The following TMEM131 variants were observed in gnomAD, a reference collection of about 807,000 sequenced individuals.
The protein encoded by TMEM131 is transmembrane protein 131, also known as 2610524E03Rik.
A neutral mutation model predicts 211.6 loss-of-function variants in TMEM131; 66 were observed. That is an observed-to-expected ratio of 0.31 (90% CI 0.26 to 0.38). The LOEUF is 0.38. Ranked by LOEUF, TMEM131 falls within the 10% of genes least tolerant of loss-of-function variation. TMEM131 has a pLI of 1.00. For missense variants in TMEM131, 2,036 were observed against 2,299.3 expected (o/e 0.89, Z 2.34); for synonymous variants, 844 against 841.3 (o/e 1.00, Z -0.06).
At chr2:97,889,383 CTGTT>C (rs1283150053) in intron 3 of TMEM131, among the ~76,000 whole-genome samples, 1 of 152,052 alleles carries the variant, frequency 6.6e-6, no homozygotes, top group African/African-American at 2.4e-5. Flanking sequence ...TCTGCCCTGT[CTGTT>C]TCTTAGATGT....
chr2:97,841,696 T>C (rs899397475), intron 7 of TMEM131, 119 bp downstream of exon 7: 57 of 1,196,674 alleles, frequency 4.8e-5, no homozygotes, highest in Non-Finnish European at 5.7e-5. Context: ...CCCCTCTCAA[T>C]ACACTATAAA....
intron 4 of TMEM131, among the ~76,000 whole-genome samples, chr2:97,862,626 T>C (rs1412119941): frequency 2.0e-5 from 3 of 151,932 alleles, no homozygotes; most frequent in African/African-American, 4.8e-5. Flanking sequence ...AATAGCAGAA[T>C]TGATCAAGCA....
In TMEM131 at chr2:97,812,422, G is replaced by C. The variant is rs752556643; in HGVS notation, c.1862C>G (p.Ser621Trp). Residue 621 changes from serine (S) to tryptophan (W), a missense_variant and splice_region_variant, in exon 17 of 41, where the codon TCG becomes TGG. This residue lies in a region of TMEM131 where 1,623 missense variants were observed against 1,805.9 expected (regional missense o/e 0.90). Coordinates refer to ENST00000186436, the MANE Select transcript of TMEM131 (RefSeq NM_015348.2). ...GGAGACAATAGAAAGTTTACTTACC[G>C]ATGATTGATCTGATAAAGAGGATTT... ...FEKSSLSDQS[S>W]VTLASGYFAV... 1.3e-6 allele frequency: 2 copies of C among 1,598,380 alleles called. No homozygotes were observed. The highest frequency in any genetic ancestry group is 1.8e-5 in the Admixed American group (1 of 55,512).
intron 31 of TMEM131, among the ~76,000 whole-genome samples, chr2:97,789,544 G>T (rs1389113795): frequency 6.6e-6 from 1 of 152,340 alleles, no homozygotes; most frequent in Non-Finnish European, 1.5e-5. Flanking sequence ...GTTAGTAAGG[G>T]AGCGGAGTCA....
At chr2:97,773,580 T>C (rs1021913230) in intron 32 of TMEM131, among the ~76,000 whole-genome samples, 5 of 152,094 alleles carry the variant, frequency 3.3e-5, no homozygotes, top group Non-Finnish European at 7.4e-5. Context: ...TCTGACTTCA[T>C]TGCAGCATCT....
At chr2:97,802,315 AC>A in intron 24 of TMEM131, 112 bp downstream of exon 24, 2 of 835,304 alleles carry the variant, frequency 2.4e-6, no homozygotes, top group Admixed American at 6.4e-5. Context: ...TAGATCCAGA[AC>A]TTCTCGTCAA....
chr2:97,950,199 T>C (rs748343020), intron 1 of TMEM131, among the ~76,000 whole-genome samples: 3 of 152,188 alleles, frequency 2.0e-5, no homozygotes. Context: ...AAGCAGTGAA[T>C]GGAAAAAAGT....
intron 2 of TMEM131, among the ~76,000 whole-genome samples, chr2:97,915,605 C>T (rs1290941883): frequency 6.6e-6 from 1 of 152,174 alleles, no homozygotes; most frequent in African/African-American, 2.4e-5. Flanking sequence ...CTTGGCCTCC[C>T]AAAGTGCTAG....
In TMEM131 at chr2:97,796,098, T is replaced by C. The variant is rs560679846; in HGVS notation, c.3200+120A>G. ...AGAAATACCTTAGCCAAAGATTAAG[T>C]GAAAAAAAAACAAATGAATGCATTT... On this transcript the variant is annotated intron_variant, in intron 28 of 40. Coordinates refer to ENST00000186436, the MANE Select transcript of TMEM131 (RefSeq NM_015348.2). 8.6e-6 allele frequency: 5 copies of C among 582,976 alleles called. No homozygotes were observed. In the Admixed American group the frequency reaches 1.2e-4, roughly 14 times the overall value. The allele number at this position is 582,976 out of a possible 1,614,324, so 36.1% of individuals were successfully genotyped here. A position where few individuals can be genotyped will look rare whatever the true frequency, so the allele number is the denominator to read the frequency against.
At chr2:97,794,870 G>T in intron 29 of TMEM131, 60 bp downstream of exon 29, 2 of 1,380,490 alleles carry the variant, frequency 1.4e-6, no homozygotes, top group Non-Finnish European at 2.0e-6. Flanking sequence ...CACACAGTGG[G>T]CACTCGATCA....
intron 1 of TMEM131, among the ~76,000 whole-genome samples, chr2:97,929,851 T>C (rs1677146233): frequency 6.6e-6 from 1 of 151,876 alleles, no homozygotes; most frequent in South Asian, 2.1e-4. Context: ...TCTGGTTATG[T>C]TATCTCTAGT....
intron 1 of TMEM131, among the ~76,000 whole-genome samples, chr2:97,944,724 A>G (rs1253891249): frequency 6.6e-6 from 1 of 152,156 alleles, no homozygotes; most frequent in Admixed American, 6.5e-5. Context: ...GACGCTCAAA[A>G]CCAGTCCTTA....
chr2:97,912,775 C>T (rs556390638), intron 2 of TMEM131, among the ~76,000 whole-genome samples: 19 of 152,290 alleles, frequency 1.2e-4, no homozygotes, highest in Non-Finnish European at 2.1e-4. Flanking sequence ...GCTTCAACCT[C>T]GCTCCTCACT....
intron 4 of TMEM131, among the ~76,000 whole-genome samples, chr2:97,861,248 G>A (rs1316776728): frequency 1.3e-5 from 2 of 151,946 alleles, no homozygotes; most frequent in African/African-American, 4.8e-5. Flanking sequence ...GCTGGGCTTG[G>A]AGCCAGTAGA....
chr2:97,930,427 T>G (rs7420786), intron 1 of TMEM131, among the ~76,000 whole-genome samples: 2 of 151,814 alleles, frequency 1.3e-5, no homozygotes. Flanking sequence ...TTATGAATTA[T>G]GAATTCATAT....
At chr2:97,941,272 T>C (rs1451652061) in intron 1 of TMEM131, among the ~76,000 whole-genome samples, 2 of 152,176 alleles carry the variant, frequency 1.3e-5, no homozygotes, top group Admixed American at 6.5e-5. Flanking sequence ...GCTAGCCATA[T>C]GTAGAAAGCT....
intron 25 of TMEM131, among the ~76,000 whole-genome samples, chr2:97,798,209 T>C (rs901025957): frequency 1.3e-5 from 2 of 152,252 alleles, no homozygotes; most frequent in Non-Finnish European, 2.9e-5. Flanking sequence ...CAGCCAGTTA[T>C]AGTTAAGGTT....
At position 97,759,029 on chromosome 2, in the gene TMEM131, GATA is replaced by G; in HGVS notation, c.5228_5230del (p.Leu1743del). The G allele has an allele frequency of 6.2e-7, 1 of 1,614,056 alleles. No individual in the cohort carries two copies. Among genetic ancestry groups the G allele is most frequent in the Non-Finnish European group, 8.5e-7 (1 of 1,179,908 alleles). ...CTGTGAGGCCTGATTGCACGATCGAGATAATCCGAGTTTGCTGAAAACTTCTGG... is the reference window on the plus strand; with the variant it reads ...CTGTGAGGCCTGATTGCACGATCGAGATCCGAGTTTGCTGAAAACTTCTGG... On this transcript the variant is annotated inframe_deletion, in exon 40 of 41. Transcript: ENST00000186436.
intron 2 of TMEM131, among the ~76,000 whole-genome samples, chr2:97,913,310 T>C (rs1676368397): frequency 6.6e-6 from 1 of 152,226 alleles, no homozygotes; most frequent in Non-Finnish European, 1.5e-5. Context: ...ATATCAATAA[T>C]TTAGATGTTC....
Sources: gnomAD v4.1 joint callset for allele counts (sites outside exome capture counted in the v4.1 genomes callset) on GRCh38, gnomAD v4.1.1 for gene constraint, gnomAD v4.1.1 regional missense constraint, MANE v1.5 for transcripts, NCBI Gene and HGNC (gene_info 2026-07-23, HGNC 2026-07-21) for gene names.